PTPRN2: variants seen among roughly 807,000 people sequenced by gnomAD.
PTPRN2 encodes protein tyrosine phosphatase receptor type N2, also known as receptor-type tyrosine-protein phosphatase N2.
In PTPRN2, 74 loss-of-function variants were observed where a neutral mutation model predicts 118.8. The ratio of observed to expected loss-of-function variants is 0.62; its 90% CI spans 0.52 to 0.76. The LOEUF (loss-of-function observed/expected upper bound fraction) is 0.76, where lower values mean the gene tolerates loss of function less well. Among genes scored for constraint, PTPRN2 ranks in the 30% least tolerant of loss-of-function variants. PTPRN2 has a pLI of 0.00. For synonymous variants in PTPRN2, 641 were observed against 608.0 expected (o/e 1.05, Z -0.80); for missense variants, 1,481 against 1,394.4 (o/e 1.06, Z -0.99).
intron 12 of PTPRN2, among the ~76,000 whole-genome samples, chr7:157,786,176 C>T (rs567956277): frequency 6.6e-6 from 1 of 152,230 alleles, no homozygotes; most frequent in South Asian, 2.1e-4. Flanking sequence ...CCTGCTCACA[C>T]AAACCACACG....
chr7:158,473,734 C>T (rs1457780547), intron 2 of PTPRN2, among the ~76,000 whole-genome samples: 2 of 152,126 alleles, frequency 1.3e-5, no homozygotes, highest in Non-Finnish European at 2.9e-5. Flanking sequence ...ACCACACAGC[C>T]ATCCAACTGT....
At chr7:157,649,055 G>A (rs374473372) in intron 14 of PTPRN2, among the ~76,000 whole-genome samples, 4 of 131,100 alleles carry the variant, frequency 3.1e-5, no homozygotes, top group Admixed American at 7.7e-5. Context: ...CCCATCCAGC[G>A]TGCACTGAAC....
intron 3 of PTPRN2, among the ~76,000 whole-genome samples, chr7:158,312,330 A>G (rs537269595): frequency 1.4e-3 from 209 of 151,166 alleles, no homozygotes; most frequent in African/African-American, 5.0e-3. Context: ...ACACATCTGC[A>G]CATGCACTCA....
intron 2 of PTPRN2, among the ~76,000 whole-genome samples, chr7:158,373,365 T>C (rs1810253086): frequency 6.6e-6 from 1 of 152,154 alleles, no homozygotes; most frequent in Admixed American, 6.5e-5. Flanking sequence ...TCCAACTGAG[T>C]GTGAGTAACG....
intron 12 of PTPRN2, among the ~76,000 whole-genome samples, chr7:157,840,841 C>T (rs963123594): frequency 1.3e-5 from 2 of 152,250 alleles, no homozygotes; most frequent in South Asian, 2.1e-4. Context: ...TCCTCAGACC[C>T]CTCCAGGAGC....
At chr7:157,792,731 C>G (rs1414711832) in intron 12 of PTPRN2, among the ~76,000 whole-genome samples, 1 of 152,182 alleles carries the variant, frequency 6.6e-6, no homozygotes, top group Admixed American at 6.5e-5. Flanking sequence ...TCCTACAGCC[C>G]GCAGATGGGC....
intron 11 of PTPRN2, among the ~76,000 whole-genome samples, chr7:157,932,987 ACT>A (rs1234324689): frequency 7.9e-6 from 1 of 126,728 alleles, no homozygotes; most frequent in Non-Finnish European, 1.9e-5. Flanking sequence ...GGGGTGAGTC[ACT>A]CTGACTGACA....
intron 1 of PTPRN2, among the ~76,000 whole-genome samples, chr7:158,585,682 C>A (rs745819087): frequency 8.5e-5 from 13 of 152,358 alleles, no homozygotes; most frequent in Admixed American, 2.6e-4. Context: ...AGCTACCCCC[C>A]ACCTTTCTGA....
At chr7:158,290,796 T>C (rs1426992928) in intron 3 of PTPRN2, among the ~76,000 whole-genome samples, 1 of 152,210 alleles carries the variant, frequency 6.6e-6, no homozygotes, top group Non-Finnish European at 1.5e-5. Context: ...ACCTCTCACC[T>C]GGTTTCCTTA....
chr7:158,499,525 C>T (rs1408773898), intron 1 of PTPRN2, among the ~76,000 whole-genome samples: 4 of 152,178 alleles, frequency 2.6e-5, no homozygotes, highest in African/African-American at 2.4e-5. Flanking sequence ...CCCAGTGGCT[C>T]ACGTCTATAA....
intron 11 of PTPRN2, chr7:158,029,946 G>T (rs1207989430): frequency 6.6e-6 from 1 of 152,290 alleles, no homozygotes; most frequent in African/African-American, 2.4e-5. Flanking sequence ...ATGAGGATGG[G>T]CTCTATGTAA....
chr7:158,196,095 A>G (rs186846771), intron 4 of PTPRN2, among the ~76,000 whole-genome samples: 7 of 152,294 alleles, frequency 4.6e-5, no homozygotes, highest in Admixed American at 4.6e-4. Context: ...GCAAGTCTTG[A>G]TAGGTTTGAA....
chr7:158,115,139 C>T (rs1031769184), intron 9 of PTPRN2, among the ~76,000 whole-genome samples: 1 of 152,130 alleles, frequency 6.6e-6, no homozygotes, highest in African/African-American at 2.4e-5. Flanking sequence ...TGAATAACCA[C>T]TGCATCCCAG....
intron 12 of PTPRN2, among the ~76,000 whole-genome samples, chr7:157,841,630 C>G (rs1328440251): frequency 6.6e-6 from 1 of 152,198 alleles, no homozygotes; most frequent in Admixed American, 6.5e-5. Context: ...ACCACGGGGC[C>G]TTTGTGCTTC....
rs554367905 is a variant in PTPRN2 at position 158,001,980 on chromosome 7, G to A, written c.1723+79318C>T. On this transcript the variant is annotated intron_variant, in intron 11 of 22. Coordinates refer to ENST00000389418, the MANE Select transcript of PTPRN2 (RefSeq NM_002847.5). ...AGCTGTCTCCAGGTCCTGGGATCACGTTGTTTCAGTGGAGACGATGGCCGC... is the reference window on the plus strand; with the variant it reads ...AGCTGTCTCCAGGTCCTGGGATCACATTGTTTCAGTGGAGACGATGGCCGC... Among the ~76,000 whole-genome samples the A allele has an allele frequency of 3.7e-4, 57 of 152,334 alleles. 1 individual carries two copies. The South Asian group carries it at 7.7e-3, about 20-fold the overall frequency.
intron 12 of PTPRN2, among the ~76,000 whole-genome samples, chr7:157,770,423 C>T (rs1260157151): frequency 6.6e-6 from 1 of 152,158 alleles, no homozygotes; most frequent in African/African-American, 2.4e-5. Flanking sequence ...TCAGCAGGTC[C>T]CACCTCTTTA....
At chr7:158,071,811 C>T (rs1360814322) in intron 11 of PTPRN2, among the ~76,000 whole-genome samples, 3 of 84,518 alleles carry the variant, frequency 3.5e-5, no homozygotes, top group East Asian at 3.9e-4. Flanking sequence ...GGTGGAGGTG[C>T]TCGTCGTATG....
intron 12 of PTPRN2, among the ~76,000 whole-genome samples, chr7:157,858,257 ACCCACACTCCTGTAGGGAGAGCCCCG>A (rs1809929912): frequency 6.4e-4 from 1 of 1,558 alleles, no homozygotes; most frequent in Non-Finnish European, 9.7e-4. Context: ...CCCCGTCACC[ACCCACACTCCTGTAGGGAGAGCCCCG>A]GCCACCACCC....
chr7:158,201,286 G>A (rs927807791), intron 4 of PTPRN2, among the ~76,000 whole-genome samples: 3 of 152,118 alleles, frequency 2.0e-5, no homozygotes, highest in African/African-American at 7.2e-5. Context: ...TGAGAACTAA[G>A]CTCTGATTTT....
Sources: gnomAD v4.1 joint callset for allele counts (sites outside exome capture counted in the v4.1 genomes callset) on GRCh38, gnomAD v4.1.1 for gene constraint, MANE v1.5 for transcripts, NCBI Gene and HGNC (gene_info 2026-07-23, HGNC 2026-07-21) for gene names.